Variants in KCNH1 observed in about 807,000 individuals in gnomAD.
The protein encoded by KCNH1 is voltage-gated delayed rectifier potassium channel KCNH1.
A neutral mutation model predicts 69.2 loss-of-function variants in KCNH1; 27 were observed. That is an observed-to-expected ratio of 0.39 (90% CI 0.29 to 0.54). The LOEUF (loss-of-function observed/expected upper bound fraction) is 0.54. Among genes scored for constraint, KCNH1 ranks in the 20% least tolerant of loss-of-function variants. The pLI, the probability that KCNH1 is intolerant of heterozygous loss-of-function variation, is 0.68. For synonymous variants in KCNH1, 456 were observed against 487.7 expected (o/e 0.93, Z 0.86); for missense variants, 798 against 1,261.6 (o/e 0.63, Z 5.57).
intron 10 of KCNH1, among the ~76,000 whole-genome samples, chr1:210,737,182 G>C (rs1379799853): frequency 6.6e-6 from 1 of 152,128 alleles, no homozygotes; most frequent in Middle Eastern, 3.2e-3. Context: ...GTAGTCACTG[G>C]GCAGCCAGAG....
intron 10 of KCNH1, among the ~76,000 whole-genome samples, chr1:210,709,726 G>A (rs12140843): frequency 1.4e-3 from 62 of 45,064 alleles, no homozygotes; most frequent in Admixed American, 2.9e-3. Context: ...AGAAAGAAGA[G>A]AGAGAGAGAG....
intron 7 of KCNH1, among the ~76,000 whole-genome samples, chr1:210,853,946 C>CAAAAAAAAAA (rs11445997): frequency 0.047 from 2,855 of 61,198 alleles, 360 homozygotes; most frequent in Middle Eastern, 0.069. Flanking sequence ...TTATCTAAGC[C>CAAAAAAAAAA]AAAAAAAAAA....
chr1:210,920,098 C>T (rs1558526125), intron 6 of KCNH1, 29 bp from the exon 7 acceptor site: 1 of 1,592,148 alleles, frequency 6.3e-7, no homozygotes, highest in Non-Finnish European at 8.6e-7. Flanking sequence ...AGCGTCAGGG[C>T]CAAAGAACCA....
At chr1:210,879,541 A>G (rs1686451327) in intron 7 of KCNH1, among the ~76,000 whole-genome samples, 1 of 152,098 alleles carries the variant, frequency 6.6e-6, no homozygotes, top group East Asian at 1.9e-4. Context: ...AAAAAAGCAT[A>G]TGACAAAATC....
chr1:210,858,465 GC>G (rs1685903863), intron 7 of KCNH1: 1 of 152,100 alleles, frequency 6.6e-6, no homozygotes, highest in African/African-American at 2.4e-5. Flanking sequence ...AATTATCCTT[GC>G]CCCCCACTCC....
chr1:211,089,207 A>C lies in KCNH1; in HGVS notation c.439+1355T>G, dbSNP rs1411192597. On this transcript the variant is annotated intron_variant, in intron 4 of 10. Coordinates refer to ENST00000271751, the MANE Select transcript of KCNH1 (RefSeq NM_172362.3). ...TACTTATGAGTTTATTAGGTTAAAAAAGCAACTGGCCTTTCTATATGGTAA... is the reference window on the plus strand; with the variant it reads ...TACTTATGAGTTTATTAGGTTAAAACAGCAACTGGCCTTTCTATATGGTAA... Among the ~76,000 whole-genome samples, 6 of 152,238 alleles carry C rather than the reference A, an allele frequency of 3.9e-5. No individual in the cohort carries two copies. The East Asian group carries it at 1.2e-3, about 29-fold the overall frequency.
intron 1 of KCNH1, among the ~76,000 whole-genome samples, chr1:211,115,002 T>C (rs537012555): frequency 7.9e-5 from 12 of 152,122 alleles, no homozygotes; most frequent in Non-Finnish European, 1.6e-4. Context: ...AGGGTCTTGC[T>C]CTGTTGCCCA....
At chr1:210,696,704 C>T (rs867304195) in intron 10 of KCNH1, among the ~76,000 whole-genome samples, 4 of 152,220 alleles carry the variant, frequency 2.6e-5, no homozygotes, top group Admixed American at 6.5e-5. Flanking sequence ...GAATTTCTCT[C>T]GGTTTCCTTG....
At chr1:210,974,172 C>T (rs1574371716) in intron 6 of KCNH1, among the ~76,000 whole-genome samples, 1 of 152,016 alleles carries the variant, frequency 6.6e-6, no homozygotes. Flanking sequence ...TTGTTAAATG[C>T]TCTTTATCAG....
intron 5 of KCNH1, among the ~76,000 whole-genome samples, chr1:211,064,452 T>C (rs979758085): frequency 6.6e-6 from 1 of 151,958 alleles, no homozygotes; most frequent in Admixed American, 6.6e-5. Context: ...TCCCAGCTAC[T>C]TGGGAGGCTG....
intron 10 of KCNH1, among the ~76,000 whole-genome samples, chr1:210,747,658 T>A (rs1330818939): frequency 1.9e-4 from 23 of 123,184 alleles, no homozygotes; most frequent in Admixed American, 7.2e-4. Flanking sequence ...AAAAAAAAAA[T>A]GCTTTACTAA....
At chr1:211,025,130 G>A (rs921907150) in intron 5 of KCNH1, among the ~76,000 whole-genome samples, 5 of 152,182 alleles carry the variant, frequency 3.3e-5, no homozygotes, top group Non-Finnish European at 7.4e-5. Context: ...GCAACAAGCT[G>A]TGCCTTCTCA....
chr1:211,123,323 T>C (rs780190842), intron 1 of KCNH1, among the ~76,000 whole-genome samples: 9 of 152,132 alleles, frequency 5.9e-5, no homozygotes, highest in Non-Finnish European at 1.0e-4. Flanking sequence ...GAGAGATCTG[T>C]AGAGTTGAGC....
chr1:211,001,533 T>A (rs1490971746), intron 6 of KCNH1, among the ~76,000 whole-genome samples: 2 of 152,112 alleles, frequency 1.3e-5, no homozygotes, highest in African/African-American at 2.4e-5. Context: ...GGAGAGGATG[T>A]GGAGATATAG....
intron 5 of KCNH1, among the ~76,000 whole-genome samples, chr1:211,032,142 G>C (rs973928844): frequency 6.6e-6 from 1 of 152,130 alleles, no homozygotes; most frequent in Non-Finnish European, 1.5e-5. Flanking sequence ...GCCAAATCAT[G>C]AGTGAACTCC....
At chr1:210,952,777 A>G (rs1235775513) in intron 6 of KCNH1, among the ~76,000 whole-genome samples, 1 of 152,170 alleles carries the variant, frequency 6.6e-6, no homozygotes, top group Non-Finnish European at 1.5e-5. Flanking sequence ...TAAGGCTTCC[A>G]TGTACAGTTG....
intron 9 of KCNH1, among the ~76,000 whole-genome samples, chr1:210,793,744 G>T (rs1374791285): frequency 6.6e-6 from 1 of 152,166 alleles, no homozygotes; most frequent in Admixed American, 6.5e-5. Flanking sequence ...TTTTCTAAAG[G>T]CTCTTGCTTG....
At chr1:211,098,818 G>A (rs1691204173) in intron 3 of KCNH1, among the ~76,000 whole-genome samples, 1 of 152,094 alleles carries the variant, frequency 6.6e-6, no homozygotes, top group Non-Finnish European at 1.5e-5. Flanking sequence ...AAACAATTGT[G>A]GGCAATTTGA....
chr1:210,702,572 T>C (rs553784922), intron 10 of KCNH1, among the ~76,000 whole-genome samples: 1 of 152,364 alleles, frequency 6.6e-6, no homozygotes, highest in East Asian at 1.9e-4. Flanking sequence ...ATATGGACTT[T>C]ATGTCTTTAA....
Sources: allele counts gnomAD v4.1 joint callset (sites outside exome capture counted in the v4.1 genomes callset), GRCh38; gene constraint gnomAD v4.1.1; transcripts MANE v1.5; gene names NCBI Gene and HGNC (gene_info 2026-07-23, HGNC 2026-07-21).